The following OLFM3 variants were observed in gnomAD, a reference collection of about 807,000 sequenced individuals.
OLFM3 encodes the protein noelin-3.
In OLFM3, 20 loss-of-function variants were observed where a neutral mutation model predicts 48.6. The ratio of observed to expected loss-of-function variants is 0.41; its 90% CI spans 0.29 to 0.60. The LOEUF is 0.60. Ranked by LOEUF, OLFM3 falls within the 20% of genes least tolerant of loss-of-function variation. The pLI is 0.28. For synonymous variants in OLFM3, 222 were observed against 198.1 expected (o/e 1.12, Z -1.01); for missense variants, 437 against 544.3 (o/e 0.80, Z 1.96).
intron 1 of OLFM3, among the ~76,000 whole-genome samples, chr1:101,884,357 A>G (rs1490658916): frequency 6.6e-6 from 1 of 152,000 alleles, no homozygotes; most frequent in Non-Finnish European, 1.5e-5. Context: ...ATAACAGGAG[A>G]AGCAACCTCT....
chr1:101,995,557 G>GAAATAATTAC (rs1661533987), intron 1 of OLFM3, among the ~76,000 whole-genome samples: 2 of 151,986 alleles, frequency 1.3e-5, no homozygotes, highest in African/African-American at 4.8e-5. Flanking sequence ...AAAGAGTACA[G>GAAATAATTAC]AAATAATTAC....
chr1:101,885,207 A>G (rs1657700351), intron 1 of OLFM3, among the ~76,000 whole-genome samples: 1 of 152,038 alleles, frequency 6.6e-6, no homozygotes. Context: ...AAGGGTTTTC[A>G]GATATAGATT....
rs2101112369 is a variant in OLFM3, at chr1:101,984,175, G to T, written c.69+12573C>A. Among the ~76,000 whole-genome samples the T allele has an allele frequency of 1.3e-5, 2 of 150,086 alleles. 1 individual carries two copies. The highest frequency in any genetic ancestry group is 4.2e-4 in the South Asian group (2 of 4,778). On this transcript the variant is annotated intron_variant, in intron 1 of 5. Coordinates refer to ENST00000370103, the MANE Select transcript of OLFM3 (RefSeq NM_058170.4). ...AATCGTCTGAGCCTGGGAGGCAGAG[G>T]TTGCAGTGAGCCAAGATGACACCAC...
chr1:101,946,213 T>A (rs1219838464), intron 1 of OLFM3, among the ~76,000 whole-genome samples: 2 of 152,160 alleles, frequency 1.3e-5, no homozygotes, highest in Non-Finnish European at 2.9e-5. Flanking sequence ...CAGAATCCAA[T>A]TTGATTCAAT....
intron 1 of OLFM3, among the ~76,000 whole-genome samples, chr1:101,895,952 A>C (rs1557721160): frequency 1.4e-5 from 2 of 145,692 alleles, no homozygotes; most frequent in Non-Finnish European, 3.0e-5. Flanking sequence ...GTTACCAAAT[A>C]ATCCATTTAA....
chr1:101,818,571 T>A (rs1389101867), intron 4 of OLFM3, among the ~76,000 whole-genome samples: 1 of 152,118 alleles, frequency 6.6e-6, no homozygotes, highest in Non-Finnish European at 1.5e-5. Flanking sequence ...ATCTCCCACA[T>A]CTCTACCTCA....
intron 1 of OLFM3, among the ~76,000 whole-genome samples, chr1:101,944,306 C>G (rs993292392): frequency 2.6e-5 from 4 of 152,068 alleles, no homozygotes; most frequent in Admixed American, 1.3e-4. Context: ...CCTAAAGGCT[C>G]TAATCCTGCA....
intron 3 of OLFM3, among the ~76,000 whole-genome samples, chr1:101,827,247 A>G (rs1182946211): frequency 6.6e-6 from 1 of 152,232 alleles, no homozygotes; most frequent in Non-Finnish European, 1.5e-5. Flanking sequence ...TAAGCTTTCT[A>G]TCTGAAAAAG....
chr1:101,967,590 G>GAAAAAAAAAAAAACAAAAAAAA (rs1660650672), intron 1 of OLFM3, among the ~76,000 whole-genome samples: 1 of 44,570 alleles, frequency 2.2e-5, no homozygotes, highest in African/African-American at 1.1e-4. Context: ...CCTAGTCAGT[G>GAAAAAAAAAAAAACAAAAAAAA]AAAAAAAAAA....
chr1:101,964,983 T>TAA (rs1660568821), intron 1 of OLFM3, among the ~76,000 whole-genome samples: 1 of 152,174 alleles, frequency 6.6e-6, no homozygotes, highest in South Asian at 2.1e-4. Context: ...AATTAGTCAG[T>TAA]ATAAGAAACT....
chr1:101,921,467 C>T (rs571299824), intron 1 of OLFM3, among the ~76,000 whole-genome samples: 3 of 152,184 alleles, frequency 2.0e-5, no homozygotes, highest in South Asian at 4.1e-4. Context: ...GAACTTCAGT[C>T]GGGAGGTATA....
At chr1:101,844,675 T>A (rs1217154755) in intron 1 of OLFM3, among the ~76,000 whole-genome samples, 1 of 152,188 alleles carries the variant, frequency 6.6e-6, no homozygotes, top group Non-Finnish European at 1.5e-5. Flanking sequence ...CAGTTGATTG[T>A]GTGGGGAGAT....
Position 101,935,152 on chromosome 1 carries a change from T to TA in OLFM3, c.69+61595dup, listed in dbSNP as rs200977646. ...AACTGAAGGAGGTTGATCTTTTGTA[T>TA]AAAAAAAAATACAAGACATCAACGA... is the stretch of plus-strand genomic sequence containing the variant. On this transcript the variant is annotated intron_variant, in intron 1 of 5. Coordinates refer to ENST00000370103, the MANE Select transcript of OLFM3 (RefSeq NM_058170.4). Among the ~76,000 whole-genome samples, 1,039 of 149,312 alleles carry TA rather than the reference T, an allele frequency of 7.0e-3. 14 individuals carry two copies. The highest frequency in any genetic ancestry group is 0.024 in the African/African-American group (970 of 40,750).
chr1:101,857,060 T>C (rs1656451183), intron 1 of OLFM3, among the ~76,000 whole-genome samples: 1 of 152,006 alleles, frequency 6.6e-6, no homozygotes, highest in African/African-American at 2.4e-5. Flanking sequence ...GAACACAAGA[T>C]AAAATGTAAG....
intron 1 of OLFM3, among the ~76,000 whole-genome samples, chr1:101,896,114 A>G (rs1658192458): frequency 6.6e-6 from 1 of 152,094 alleles, no homozygotes; most frequent in Non-Finnish European, 1.5e-5. Context: ...TATTCATTTT[A>G]CTTTACGTAG....
intron 3 of OLFM3, among the ~76,000 whole-genome samples, chr1:101,830,363 A>G (rs866178358): frequency 6.6e-6 from 1 of 152,202 alleles, no homozygotes; most frequent in South Asian, 2.1e-4. Context: ...ATCTTTCTTC[A>G]TATTAGCAGG....
intron 1 of OLFM3, among the ~76,000 whole-genome samples, chr1:101,979,627 A>G (rs558205810): frequency 6.6e-6 from 1 of 152,302 alleles, no homozygotes; most frequent in East Asian, 1.9e-4. Flanking sequence ...ATGTATGGAA[A>G]TGCCTGGATG....
intron 1 of OLFM3, among the ~76,000 whole-genome samples, chr1:101,852,724 C>G (rs1181746108): frequency 6.6e-6 from 1 of 152,064 alleles, no homozygotes; most frequent in Non-Finnish European, 1.5e-5. Context: ...AACAAATAAA[C>G]AACAACAAAA....
intron 1 of OLFM3, among the ~76,000 whole-genome samples, chr1:101,849,726 C>T (rs1656151138): frequency 6.6e-6 from 1 of 152,092 alleles, no homozygotes; most frequent in African/African-American, 2.4e-5. Flanking sequence ...GGATGAATTC[C>T]ATAAAGGTCT....
Sources: allele counts gnomAD v4.1 joint callset (sites outside exome capture counted in the v4.1 genomes callset), GRCh38; gene constraint gnomAD v4.1.1; transcripts MANE v1.5; gene names NCBI Gene and HGNC (gene_info 2026-07-23, HGNC 2026-07-21).